Variants in SORBS2 observed in about 807,000 individuals in gnomAD.
SORBS2 encodes sorbin and SH3 domain containing 2.
SORBS2 carries 46 observed loss-of-function variants against 97.7 expected under a neutral mutation model. The observed-to-expected ratio is 0.47, with a 90% CI of 0.37 to 0.60. The LOEUF (loss-of-function observed/expected upper bound fraction) is 0.60, where lower values mean the gene tolerates loss of function less well. SORBS2 is among the 20% of genes least tolerant of loss of function. SORBS2 has a pLI of 0.00. For missense variants in SORBS2, 1,316 were observed against 1,282.3 expected (o/e 1.03, Z -0.40); for synonymous variants, 476 against 473.4 (o/e 1.01, Z -0.07).
At chr4:185,893,566 A>G (rs545104427) in intron 1 of SORBS2, among the ~76,000 whole-genome samples, 2 of 152,360 alleles carry the variant, frequency 1.3e-5, no homozygotes, top group Admixed American at 6.5e-5. Context: ...ATTTGAGTCC[A>G]TAAAACAAAC....
intron 1 of SORBS2, among the ~76,000 whole-genome samples, chr4:185,880,388 T>C (rs1345015514): frequency 3.3e-5 from 5 of 152,188 alleles, no homozygotes; most frequent in Non-Finnish European, 5.9e-5. Flanking sequence ...CTACATTGAT[T>C]CCTTGAAAAA....
chr4:185,752,937 T>G (rs2153600740), intron 2 of SORBS2, among the ~76,000 whole-genome samples: 1 of 152,348 alleles, frequency 6.6e-6, no homozygotes, highest in South Asian at 2.1e-4. Flanking sequence ...ATAGTTGATC[T>G]TTAAATTGAC....
chr4:185,608,766 C>T (rs1389159849), intron 12 of SORBS2, among the ~76,000 whole-genome samples: 2 of 152,100 alleles, frequency 1.3e-5, no homozygotes, highest in Admixed American at 6.6e-5. Flanking sequence ...GAGAAGGGAC[C>T]TTTCACTTTA....
At chr4:185,791,728 T>C (rs925869920) in intron 1 of SORBS2, among the ~76,000 whole-genome samples, 8 of 151,994 alleles carry the variant, frequency 5.3e-5, no homozygotes, top group African/African-American at 1.7e-4. Flanking sequence ...AAGATTGTTT[T>C]TCCCCCACAA....
At chr4:185,731,890 ATATATATATATATATATAT>A (rs1168463494) in intron 2 of SORBS2, among the ~76,000 whole-genome samples, 14 of 94,342 alleles carry the variant, frequency 1.5e-4, no homozygotes, top group African/African-American at 5.1e-4. Context: ...ATATATATAT[ATATATATATATATATATAT>A]GTCTGTTTCT....
intron 1 of SORBS2, among the ~76,000 whole-genome samples, chr4:185,825,499 G>T (rs1428239694): frequency 6.6e-6 from 1 of 152,178 alleles, no homozygotes; most frequent in Non-Finnish European, 1.5e-5. Context: ...TGTAAATGTA[G>T]AAACTCCTGT....
intron 1 of SORBS2, among the ~76,000 whole-genome samples, chr4:185,830,899 T>C (rs1269711632): frequency 6.6e-6 from 1 of 152,206 alleles, no homozygotes; most frequent in Non-Finnish European, 1.5e-5. Context: ...GTAGCCATTC[T>C]GCTAGAAAGG....
chr4:185,891,816 G>C (rs533419267), intron 1 of SORBS2, among the ~76,000 whole-genome samples: 1 of 152,160 alleles, frequency 6.6e-6, no homozygotes, highest in East Asian at 1.9e-4. Context: ...GGCAAGAAGA[G>C]CCCATCAGGT....
chr4:185,705,099 C>T (rs1450327567), intron 2 of SORBS2, among the ~76,000 whole-genome samples: 1 of 152,198 alleles, frequency 6.6e-6, no homozygotes, highest in Non-Finnish European at 1.5e-5. Context: ...CGTACACATG[C>T]TGTTGTGTTC....
chr4:185,786,781 G>A (rs1358641372), intron 1 of SORBS2, among the ~76,000 whole-genome samples: 1 of 152,150 alleles, frequency 6.6e-6, no homozygotes. Context: ...GGCCAACATG[G>A]TGACACCCTG....
At chr4:185,624,493 A>G (rs1267535457) in exon 7 of SORBS2, 8 of 1,599,904 alleles carry the variant, frequency 5.0e-6, no homozygotes, top group East Asian at 2.2e-5. Flanking sequence ...TATCATCCCC[A>G]CCTTTTAATC....
chr4:185,855,116 T>C (rs2099220067), intron 1 of SORBS2, among the ~76,000 whole-genome samples: 1 of 152,212 alleles, frequency 6.6e-6, no homozygotes, highest in Non-Finnish European at 1.5e-5. Flanking sequence ...AAGCATTAAT[T>C]GCTTTGTCTG....
intron 4 of SORBS2, among the ~76,000 whole-genome samples, chr4:185,669,130 A>T (rs896414304): frequency 6.6e-6 from 1 of 152,212 alleles, no homozygotes; most frequent in Non-Finnish European, 1.5e-5. Context: ...TGAGGAATGA[A>T]GGGGCACAGA....
At chr4:185,724,860 T>G (rs1231076763) in intron 2 of SORBS2, among the ~76,000 whole-genome samples, 1 of 152,226 alleles carries the variant, frequency 6.6e-6, no homozygotes, top group Non-Finnish European at 1.5e-5. Flanking sequence ...TTTGTTTCTG[T>G]GTTCTCAAAA....
At chr4:185,939,401 C>A (rs1438598975) in intron 1 of SORBS2, among the ~76,000 whole-genome samples, 1 of 152,180 alleles carries the variant, frequency 6.6e-6, no homozygotes, top group Non-Finnish European at 1.5e-5. Flanking sequence ...TCCACCTTAA[C>A]CAAAAAACAG....
At chr4:185,672,596 GA>G (rs2097729148) in intron 4 of SORBS2, among the ~76,000 whole-genome samples, 4 of 152,318 alleles carry the variant, frequency 2.6e-5, no homozygotes, top group Admixed American at 2.6e-4. Context: ...AAAACACTAT[GA>G]AAAATTGTCA....
At chr4:185,600,420 C>T (rs568812684) in intron 12 of SORBS2, among the ~76,000 whole-genome samples, 86 of 152,302 alleles carry the variant, frequency 5.6e-4, no homozygotes, top group African/African-American at 2.0e-3. Flanking sequence ...CTCACTGCAA[C>T]CTCCATCTCC....
chr4:185,876,006 A>G (rs2099233400), intron 1 of SORBS2, among the ~76,000 whole-genome samples: 1 of 152,080 alleles, frequency 6.6e-6, no homozygotes, highest in East Asian at 1.9e-4. Context: ...TCAATAACAA[A>G]CTCTTCTCTG....
intron 1 of SORBS2, among the ~76,000 whole-genome samples, chr4:185,831,778 C>A (rs907048561): frequency 6.6e-6 from 1 of 152,190 alleles, no homozygotes; most frequent in African/African-American, 2.4e-5. Context: ...CCACTACACT[C>A]TGAGATGTTA....
Sources: gnomAD v4.1 joint callset for allele counts (sites outside exome capture counted in the v4.1 genomes callset) on GRCh38, gnomAD v4.1.1 for gene constraint, MANE v1.5 for transcripts, NCBI Gene and HGNC (gene_info 2026-07-23, HGNC 2026-07-21) for gene names.